Variants in DYNC2I2 observed in about 807,000 individuals in gnomAD.
DYNC2I2 encodes the protein dynein 2 intermediate chain 2.
DYNC2I2 carries 39 observed loss-of-function variants against 52.0 expected under a neutral mutation model. That is an observed-to-expected ratio of 0.75 (90% confidence interval 0.58 to 0.98). The LOEUF is 0.98. Ranked by LOEUF, DYNC2I2 falls within the 50% of genes least tolerant of loss-of-function variation. The pLI is 0.00. For synonymous variants in DYNC2I2, 359 were observed against 321.1 expected (o/e 1.12, Z -1.26); for missense variants, 743 against 728.4 (o/e 1.02, Z -0.23).
Position 128,637,024 on chromosome 9 carries a change from A to T in DYNC2I2, c.439T>A (p.Ser147Thr). The change falls in exon 3 of 9, where the codon TCT becomes ACT. Residue 147 changes from serine to threonine, a missense_variant. By Grantham distance (58) the Ser-to-Thr change is moderately conservative. Transcript: ENST00000372715. ...GGGTAGCCCAGGGTATACAGACAAG[A>T]CACCTGCGGAGACGTCCCCAACCCT... is the stretch of plus-strand genomic sequence containing the variant. ...VNWTEQQQMV[S>T]CLYTLGYPPA... The T allele has an allele frequency of 6.2e-7, 1 of 1,612,610 alleles. No homozygotes were observed. The highest frequency in any genetic ancestry group is 2.2e-5 in the East Asian group (1 of 44,862).
chr9:128,634,791 A>C lies in DYNC2I2; in HGVS notation c.1112T>G (p.Leu371Arg), dbSNP rs1365544839. The change falls in exon 7 of 9, where the codon CTC (leucine) becomes CGC (arginine). Residue 371 changes from leucine (L) to arginine (R), a missense_variant. Transcript: ENST00000372715. ...GGGCACGGAGCTGGGCATCCGCGTGAGGGCTGCCTCTCCAGCTGCCAGGGA... is the reference window on the plus strand; with the variant it reads ...GGGCACGGAGCTGGGCATCCGCGTGCGGGCTGCCTCTCCAGCTGCCAGGGA... The part of the protein sequence containing the change: ...KCSLAAGEAA[L>R]TRMPSSVPLR... 3.2e-5 allele frequency: 51 copies of C among 1,611,966 alleles called. No individual in the cohort carries two copies. Among genetic ancestry groups the C allele is most frequent in the Non-Finnish European group, 4.3e-5 (51 of 1,179,346 alleles).
upstream of DYNC2I2, among the ~76,000 whole-genome samples, chr9:128,659,809 G>A (rs1417572735): frequency 2.6e-5 from 4 of 151,744 alleles, no homozygotes; most frequent in African/African-American, 9.7e-5. Flanking sequence ...TCCGGAGGCT[G>A]AGGCAGGAGA....
At chr9:128,637,528 C>T (rs1360444098) in intron 2 of DYNC2I2, among the ~76,000 whole-genome samples, 7 of 152,148 alleles carry the variant, frequency 4.6e-5, no homozygotes, top group Admixed American at 4.6e-4. Flanking sequence ...CTGCAACTGC[C>T]ACCTCCTGGG....
the DYNC2I2 span, among the ~76,000 whole-genome samples, chr9:128,672,443 C>T: frequency 6.6e-6 from 1 of 151,688 alleles, no homozygotes; most frequent in East Asian, 1.9e-4. Flanking sequence ...ATGTGCCCGC[C>T]TCAACCTCCC....
At position 128,640,764 on chromosome 9, in the gene DYNC2I2, C is replaced by T. The variant is rs758760187; in HGVS notation, c.362G>A (p.Arg121Gln). 9.9e-6 allele frequency: 16 copies of T among 1,614,206 alleles called. No homozygotes were observed. Among genetic ancestry groups the T allele is most frequent in the South Asian group, 2.2e-5 (2 of 91,088 alleles). ...GCTCTGCCAATTCTTGTTCAGCTCT[C>T]GGATGACCATGGCCTCCACTCTCCG... ...FLRRVEAMVIRELNKNWQSHA... is the reference protein window; with the variant it reads ...FLRRVEAMVIQELNKNWQSHA... Residue 121 changes from arginine (R) to glutamine (Q), a missense_variant, in exon 2 of 9, where the codon CGA becomes CAA. Transcript: ENST00000372715.
chr9:128,666,290 G>A, the DYNC2I2 span, among the ~76,000 whole-genome samples: 11 of 149,834 alleles, frequency 7.3e-5, no homozygotes, highest in Non-Finnish European at 1.6e-4. Flanking sequence ...GCTGAGGCAT[G>A]AGAATTGCTT....
the DYNC2I2 span, among the ~76,000 whole-genome samples, chr9:128,680,763 C>T: frequency 6.6e-6 from 1 of 152,002 alleles, no homozygotes; most frequent in African/African-American, 2.4e-5. Flanking sequence ...CAACCTCCAC[C>T]TTCTGGGTTC....
the DYNC2I2 span, among the ~76,000 whole-genome samples, chr9:128,676,405 A>G: frequency 4.6e-5 from 7 of 151,650 alleles, no homozygotes; most frequent in African/African-American, 1.7e-4. Context: ...CAGGAGAATC[A>G]CTTGAACCCA....
At chr9:128,666,381 CA>C in the DYNC2I2 span, among the ~76,000 whole-genome samples, 7 of 90,716 alleles carry the variant, frequency 7.7e-5, no homozygotes, top group Non-Finnish European at 1.5e-4. Flanking sequence ...GACCCTGTCT[CA>C]GAAAAAAAAA....
At position 128,640,854 on chromosome 9, in the gene DYNC2I2, G is replaced by C; in HGVS notation, c.272C>G (p.Ala91Gly). The change falls in exon 2 of 9, where the codon GCC (alanine) becomes GGC (glycine). Residue 91 changes from alanine to glycine, a missense_variant. Coordinates refer to ENST00000372715, the MANE Select transcript of DYNC2I2 (RefSeq NM_052844.4). Reference protein sequence around the residue: ...NHVDAQVQTEAPVPVSVQPPS... With the variant: ...NHVDAQVQTEGPVPVSVQPPS... ...GGGCTGCACGCTGACAGGCACGGGG[G>C]CCTCCGTCTGCACCTGGGCGTCCAC... 1 of 1,613,980 alleles carries C rather than the reference G, an allele frequency of 6.2e-7. No homozygotes were observed. The highest frequency in any genetic ancestry group is 1.1e-5 in the South Asian group (1 of 91,078).
Position 128,636,919 on chromosome 9 carries a change from G to A in DYNC2I2, c.544C>T (p.Arg182Trp), listed in dbSNP as rs555811074. Reference protein sequence around the residue: ...TGSVVACAYGRLDHGDWSTLK... With the variant: ...TGSVVACAYGWLDHGDWSTLK... ...CTCACCTGCCCCGCTGCCACTCACC[G>A]GCCGTAGGCACAGGCCACCACAGAG... Residue 182 changes from arginine to tryptophan, a missense_variant and splice_region_variant, in exon 3 of 9, where the codon CGG (arginine) becomes TGG (tryptophan). Transcript: ENST00000372715. 1.4e-5 allele frequency: 23 copies of A among 1,611,316 alleles called. No individual in the cohort carries two copies. Among genetic ancestry groups the A allele is most frequent in the East Asian group, 8.9e-5 (4 of 44,874 alleles).
chr9:128,678,225 C>T, the DYNC2I2 span, among the ~76,000 whole-genome samples: 2 of 150,972 alleles, frequency 1.3e-5, no homozygotes, highest in Non-Finnish European at 3.0e-5. Context: ...ATGTGCACCA[C>T]GCCCAGGTGA....
the DYNC2I2 span, among the ~76,000 whole-genome samples, chr9:128,679,382 CT>C: frequency 1.3e-5 from 2 of 152,148 alleles, no homozygotes; most frequent in Non-Finnish European, 2.9e-5. Context: ...CGTCCTCCAC[CT>C]TTTCTTCCAC....
chr9:128,635,540 G>A (rs879919334), intron 5 of DYNC2I2, 118 bp downstream of exon 5: 18 of 972,646 alleles, frequency 1.9e-5, no homozygotes, highest in Admixed American at 6.7e-5. Context: ...CGGGAGCTCC[G>A]AGAATGCAGG....
chr9:128,680,219 C>T, the DYNC2I2 span, among the ~76,000 whole-genome samples: 1 of 151,980 alleles, frequency 6.6e-6, no homozygotes, highest in Admixed American at 6.6e-5. Context: ...TGCCACCACA[C>T]CCGGCTAATT....
intron 2 of DYNC2I2, 135 bp from the exon 3 acceptor site, chr9:128,637,162 T>C (rs1001323741): frequency 3.2e-6 from 2 of 621,048 alleles, no homozygotes; most frequent in Non-Finnish European, 5.8e-6. Flanking sequence ...TAGAGGAAAA[T>C]GTGGCACGTT....
Position 128,634,878 on chromosome 9 carries a change from A to G in DYNC2I2, c.1025T>C (p.Phe342Ser). The G allele has an allele frequency of 6.2e-7, 1 of 1,613,332 alleles. No individual in the cohort carries two copies. The highest frequency in any genetic ancestry group is 8.5e-7 in the Non-Finnish European group (1 of 1,179,940). The change falls in exon 7 of 9, where the codon TTC becomes TCC. Residue 342 changes from phenylalanine (F) to serine (S), a missense_variant. Phe to Ser is a radical substitution (Grantham distance 155). Coordinates refer to ENST00000372715, the MANE Select transcript of DYNC2I2 (RefSeq NM_052844.4). ...ETEVGATAVA[F>S]SSFDPRLFIL... is the part of the protein sequence containing the mutation. Reference sequence around the variant, plus strand: ...GAACAGCCTAGGGTCAAAGCTGGAGAAGGCCACTGCCGTGGCGCCCACCTC... The same window carrying G: ...GAACAGCCTAGGGTCAAAGCTGGAGGAGGCCACTGCCGTGGCGCCCACCTC...
At chr9:128,648,503 G>A (rs1362231848) in intron 1 of DYNC2I2, among the ~76,000 whole-genome samples, 1 of 151,558 alleles carries the variant, frequency 6.6e-6, no homozygotes, top group African/African-American at 2.4e-5. Context: ...CAAGCGGGCA[G>A]GGCCAGGCAT....
chr9:128,634,535 C>T (rs565479891), intron 7 of DYNC2I2, 152 bp from the exon 8 acceptor site: 3 of 1,308,302 alleles, frequency 2.3e-6, no homozygotes, highest in South Asian at 1.5e-5. Flanking sequence ...AGAGAAGGGA[C>T]GATGCCTGGG....
Sources: allele counts gnomAD v4.1 joint callset (sites outside exome capture counted in the v4.1 genomes callset), GRCh38; gene constraint gnomAD v4.1.1; transcripts MANE v1.5; gene names NCBI Gene and HGNC (gene_info 2026-07-23, HGNC 2026-07-21).